Variants in MROH2B observed in about 807,000 individuals in gnomAD.
MROH2B encodes maestro heat-like repeat-containing protein family member 2B.
A neutral mutation model predicts 208.6 loss-of-function variants in MROH2B; 177 were observed. The observed-to-expected ratio is 0.85, with a 90% CI of 0.75 to 0.96. The LOEUF (loss-of-function observed/expected upper bound fraction) is 0.96, where lower values mean the gene tolerates loss of function less well. Among genes scored for constraint, MROH2B ranks in the 40% least tolerant of loss-of-function variants. The pLI is 0.00. For missense variants in MROH2B, 2,002 were observed against 1,878.7 expected (o/e 1.07, Z -1.21); for synonymous variants, 728 against 659.0 (o/e 1.10, Z -1.60).
chr5:41,026,065 C>T (rs946245069), intron 24 of MROH2B, among the ~76,000 whole-genome samples: 6 of 109,480 alleles, frequency 5.5e-5, no homozygotes, highest in South Asian at 3.5e-4. Context: ...TTATGACAAA[C>T]GCCCAGCCAA....
intron 7 of MROH2B, among the ~76,000 whole-genome samples, chr5:41,057,574 T>TTTTTTTTTTTTTTTG (rs1561304757): frequency 7.0e-6 from 1 of 142,728 alleles, no homozygotes. Context: ...TTTTTTTTTT[T>TTTTTTTTTTTTTTTG]GAGACGGAGT....
chr5:41,061,485 G>A (rs1743635843), intron 6 of MROH2B, 85 bp downstream of exon 6: 1 of 1,215,020 alleles, frequency 8.2e-7, no homozygotes, highest in African/African-American at 1.5e-5. Context: ...AAAATACTGA[G>A]CCTAATTATC....
Position 41,000,186 on chromosome 5 carries a change from C to T in MROH2B, c.4482+34G>A, listed in dbSNP as rs779006698. 2.5e-6 allele frequency: 4 copies of T among 1,612,028 alleles called. No individual in the cohort carries two copies. In the Middle Eastern group the frequency reaches 5.0e-4, roughly 201 times the overall value. On this transcript the variant is annotated intron_variant, in intron 39 of 41. Coordinates refer to ENST00000399564, the MANE Select transcript of MROH2B (RefSeq NM_173489.5). Reference sequence around the variant, plus strand: ...GCGATTTGTCTAGACCCTTGTCCTGCCTTTTTTGGAGGCGGCATCTATTGG... The same window carrying T: ...GCGATTTGTCTAGACCCTTGTCCTGTCTTTTTTGGAGGCGGCATCTATTGG...
intron 15 of MROH2B, among the ~76,000 whole-genome samples, 165 bp downstream of exon 15, chr5:41,048,936 A>G (rs568626472): frequency 9.2e-5 from 14 of 152,380 alleles, no homozygotes; most frequent in Admixed American, 3.3e-4. Context: ...CATGTCAATA[A>G]TAAATATTCA....
chr5:41,034,085 T>G (rs980820813), intron 21 of MROH2B: 1 of 984,476 alleles, frequency 1.0e-6, no homozygotes, highest in African/African-American at 1.7e-5. Context: ...AGGTAAGTCA[T>G]GAGTAAGCTG....
At chr5:41,047,350 T>C (rs939703748) in intron 17 of MROH2B, among the ~76,000 whole-genome samples, 7 of 152,090 alleles carry the variant, frequency 4.6e-5, no homozygotes, top group Admixed American at 6.6e-5. Context: ...AATACAGTTG[T>C]GTTTAGGGGC....
At position 41,049,270 on chromosome 5, in the gene MROH2B, A is replaced by G. The variant is rs1743212635; in HGVS notation, c.1501+10T>C. 2 of 1,612,816 alleles carry G rather than the reference A, an allele frequency of 1.2e-6. No individual in the cohort carries two copies. On this transcript the variant is annotated intron_variant, in intron 14 of 41. Transcript: ENST00000399564. The stretch of plus-strand genomic sequence containing the variant: ...TAGAAAAGCTTTTCTGTGTTTATGA[A>G]TGTACAGACCAGCTCCTGTAGAGAC...
At position 41,065,613 on chromosome 5, in the gene MROH2B, G is replaced by A; in HGVS notation, c.202-123C>T. The A allele has an allele frequency of 3.7e-6, 3 of 800,958 alleles. No homozygotes were observed. The South Asian group carries it at 6.8e-5, about 18-fold the overall frequency. 49.6% of individuals were successfully genotyped at this position (800,958 alleles called of 1,614,324 possible). On this transcript the variant is annotated intron_variant, in intron 3 of 41. Transcript: ENST00000399564. ...TTTATTTTTAAAATTATAGATTCAG[G>A]GGGTACATGTGCAGGTTGGTCACAT...
At chr5:41,000,039 G>T (rs1741335747) in intron 39 of MROH2B, 181 bp downstream of exon 39, 3 of 802,188 alleles carry the variant, frequency 3.7e-6, no homozygotes, top group Non-Finnish European at 3.9e-6. Context: ...GAATGGAGCA[G>T]AGGGTCCTGT....
intron 7 of MROH2B, 50 bp from the exon 8 acceptor site, chr5:41,057,410 T>C: frequency 2.2e-6 from 3 of 1,374,136 alleles, no homozygotes; most frequent in Non-Finnish European, 3.0e-6. Context: ...GGGAAGCAGC[T>C]GCACAGGATG....
intron 22 of MROH2B, among the ~76,000 whole-genome samples, chr5:41,033,602 C>T (rs1742648046): frequency 2.0e-5 from 3 of 152,020 alleles, no homozygotes; most frequent in Admixed American, 6.6e-5. Context: ...AGTTTGAACA[C>T]CATTGTTTTA....
At chr5:41,070,629 AG>A (rs1405238370) in intron 1 of MROH2B, among the ~76,000 whole-genome samples, 195 bp downstream of exon 1, 1 of 152,146 alleles carries the variant, frequency 6.6e-6, no homozygotes, top group Non-Finnish European at 1.5e-5. Flanking sequence ...ACCATCTCTT[AG>A]GCTTCCAGTC....
intron 21 of MROH2B, among the ~76,000 whole-genome samples, chr5:41,037,696 A>G (rs1258890403): frequency 6.6e-6 from 1 of 152,214 alleles, no homozygotes; most frequent in Non-Finnish European, 1.5e-5. Context: ...AGGTGCTGAC[A>G]ATCTAACAGG....
chr5:41,032,373 A>G (rs1445850561), intron 24 of MROH2B, among the ~76,000 whole-genome samples: 2 of 152,128 alleles, frequency 1.3e-5, no homozygotes, highest in African/African-American at 4.8e-5. Flanking sequence ...TTTCAGGTTT[A>G]TTGCTGCTAA....
chr5:41,018,603 T>C (rs905349648), intron 26 of MROH2B, 88 bp downstream of exon 26: 1 of 1,514,392 alleles, frequency 6.6e-7, no homozygotes, highest in East Asian at 2.3e-5. Flanking sequence ...GATGTCTTCA[T>C]GTAAGGAAAA....
At chr5:41,050,854 T>C in intron 13 of MROH2B, 123 bp downstream of exon 13, 3 of 654,416 alleles carry the variant, frequency 4.6e-6, no homozygotes, top group Non-Finnish European at 7.9e-6. Context: ...ATATACTTCC[T>C]CTAGTCAGAG....
chr5:41,031,536 A>T (rs966401012), intron 24 of MROH2B, among the ~76,000 whole-genome samples: 2 of 152,064 alleles, frequency 1.3e-5, no homozygotes, highest in African/African-American at 2.4e-5. Context: ...TTTTTAAAAA[A>T]TTTTTGTGAT....
chr5:41,018,534 C>A (rs1742031800), intron 26 of MROH2B, 104 bp from the exon 27 acceptor site: 1 of 1,449,884 alleles, frequency 6.9e-7, no homozygotes, highest in African/African-American at 1.4e-5. Flanking sequence ...CGGTGCTCAC[C>A]TCCCCACAAA....
At position 41,069,763 on chromosome 5, in the gene MROH2B, C is replaced by A; in HGVS notation, c.29-11G>T. ...TATCCCCAAACATCTCTAAAACGTACAGAAAAATATGAATTGAAATATATG... is the reference window on the plus strand; with the variant it reads ...TATCCCCAAACATCTCTAAAACGTAAAGAAAAATATGAATTGAAATATATG... On this transcript the variant is annotated splice_polypyrimidine_tract_variant and intron_variant, in intron 1 of 41. Coordinates refer to ENST00000399564, the MANE Select transcript of MROH2B (RefSeq NM_173489.5). 2 of 1,581,212 alleles carry A rather than the reference C, an allele frequency of 1.3e-6. No individual in the cohort carries two copies. Among genetic ancestry groups the A allele is most frequent in the Non-Finnish European group, 1.7e-6 (2 of 1,155,508 alleles).
Sources: allele counts gnomAD v4.1 joint callset (sites outside exome capture counted in the v4.1 genomes callset), GRCh38; gene constraint gnomAD v4.1.1; transcripts MANE v1.5; gene names NCBI Gene and HGNC (gene_info 2026-07-23, HGNC 2026-07-21).